The following PEBP4 variants were observed in gnomAD, a reference collection of about 807,000 sequenced individuals.
PEBP4 encodes phosphatidylethanolamine binding protein 4.
PEBP4 carries 22 observed loss-of-function variants against 23.9 expected under a neutral mutation model. The ratio of observed to expected loss-of-function variants is 0.92; its 90% CI spans 0.66 to 1.31. PEBP4 has a LOEUF of 1.31. PEBP4 is among the 40% of genes most tolerant of loss of function. The pLI is 0.00. For missense variants in PEBP4, 324 were observed against 281.7 expected (o/e 1.15, Z -1.07); for synonymous variants, 112 against 99.3 (o/e 1.13, Z -0.76).
At chr8:22,728,683 C>T (rs1163761777) in intron 4 of PEBP4, among the ~76,000 whole-genome samples, 2 of 151,346 alleles carry the variant, frequency 1.3e-5, no homozygotes, top group Non-Finnish European at 2.9e-5. Context: ...CTGCAACCTC[C>T]GCCTCCCAGG....
At chr8:22,780,909 G>A (rs1004088676) in intron 4 of PEBP4, among the ~76,000 whole-genome samples, 1 of 152,224 alleles carries the variant, frequency 6.6e-6, no homozygotes, top group Non-Finnish European at 1.5e-5. Context: ...CACACAGCCT[G>A]TCTTTCTTAG....
intron 3 of PEBP4, among the ~76,000 whole-genome samples, chr8:22,833,767 A>G (rs1235163363): frequency 6.6e-6 from 1 of 152,180 alleles, no homozygotes; most frequent in Non-Finnish European, 1.5e-5. Flanking sequence ...TAATGTGAGA[A>G]TCACCAGGGG....
At chr8:22,784,476 C>T (rs1031538252) in intron 4 of PEBP4, among the ~76,000 whole-genome samples, 1 of 152,206 alleles carries the variant, frequency 6.6e-6, no homozygotes. Context: ...TGAGACAGGC[C>T]TCCTAGCCTT....
rs901177246 is a variant in PEBP4 at position 22,775,819 on chromosome 8, C to A, written c.357+41818G>T. Among the ~76,000 whole-genome samples the A allele has an allele frequency of 1.3e-5, 2 of 152,042 alleles. No individual in the cohort carries two copies. Among genetic ancestry groups the A allele is most frequent in the Admixed American group, 1.3e-4 (2 of 15,270 alleles). On this transcript the variant is annotated intron_variant, in intron 4 of 6. Coordinates refer to ENST00000256404, the MANE Select transcript of PEBP4 (RefSeq NM_144962.3). This position sits in a 1 kb window ranked among gnomAD's most constrained non-coding sequence, Gnocchi z 4.8. ...GGGTTCTCCAGGCTGGAAGGGCTTC[C>A]GGAATCTCTGAGTGGGCAGGAAGGA...
chr8:22,929,429 G>C (rs1194281537), upstream of PEBP4, among the ~76,000 whole-genome samples: 1 of 152,226 alleles, frequency 6.6e-6, no homozygotes, highest in Non-Finnish European at 1.5e-5. Context: ...CTTTAGCACA[G>C]TGATGGCGGC....
intron 2 of PEBP4, among the ~76,000 whole-genome samples, chr8:22,922,821 T>G (rs572625976): frequency 6.6e-6 from 1 of 152,144 alleles, no homozygotes; most frequent in African/African-American, 2.4e-5. Flanking sequence ...ATTCTTCTAA[T>G]TTCCATGTGG....
intron 3 of PEBP4, among the ~76,000 whole-genome samples, chr8:22,905,483 G>T (rs1351815867): frequency 6.6e-6 from 1 of 152,046 alleles, no homozygotes; most frequent in Non-Finnish European, 1.5e-5. Context: ...TTATCCCTTT[G>T]TCCTTTGACC....
chr8:22,826,914 T>C (rs1806982040), intron 3 of PEBP4, among the ~76,000 whole-genome samples: 1 of 152,198 alleles, frequency 6.6e-6, no homozygotes, highest in African/African-American at 2.4e-5. Flanking sequence ...TGTGCAGCAG[T>C]CACATAATAT....
chr8:22,890,022 C>T (rs1208884133), intron 3 of PEBP4, among the ~76,000 whole-genome samples: 4 of 152,192 alleles, frequency 2.6e-5, no homozygotes, highest in African/African-American at 9.7e-5. Context: ...CAGATGTTAC[C>T]TGGAAGACCT....
chr8:22,743,079 G>A (rs1158481175), intron 4 of PEBP4, among the ~76,000 whole-genome samples: 1 of 152,156 alleles, frequency 6.6e-6, no homozygotes, highest in Non-Finnish European at 1.5e-5. Flanking sequence ...GCTCTCTTAT[G>A]CCAGACTCCA....
intron 4 of PEBP4, among the ~76,000 whole-genome samples, chr8:22,809,511 C>T (rs1169090193): frequency 3.3e-5 from 5 of 152,128 alleles, no homozygotes; most frequent in African/African-American, 1.2e-4. Context: ...TCTGGAGTAG[C>T]AATATGGCCT....
intron 4 of PEBP4, among the ~76,000 whole-genome samples, chr8:22,812,337 G>A (rs1034409049): frequency 2.0e-5 from 3 of 152,114 alleles, no homozygotes; most frequent in Admixed American, 2.0e-4. Context: ...CCTGGAAGCG[G>A]CAGAGCCTGG....
At chr8:22,847,619 T>A (rs1017320201) in intron 3 of PEBP4, among the ~76,000 whole-genome samples, 2 of 152,170 alleles carry the variant, frequency 1.3e-5, no homozygotes, top group Admixed American at 6.5e-5. Context: ...CTGGGTTTCA[T>A]GAGGCAAGAG....
chr8:22,817,993 C>T (rs1336495089), intron 3 of PEBP4, among the ~76,000 whole-genome samples: 1 of 152,208 alleles, frequency 6.6e-6, no homozygotes, highest in East Asian at 1.9e-4. Flanking sequence ...ATATACATAC[C>T]AAGCACCTGG....
chr8:22,797,728 ATC>A (rs1806295664), intron 4 of PEBP4, among the ~76,000 whole-genome samples: 2 of 152,170 alleles, frequency 1.3e-5, no homozygotes. Flanking sequence ...GCTGCTATCC[ATC>A]GCAGGGGCAA....
intron 3 of PEBP4, among the ~76,000 whole-genome samples, chr8:22,898,265 G>C (rs1340294793): frequency 6.6e-6 from 1 of 151,630 alleles, no homozygotes; most frequent in Non-Finnish European, 1.5e-5. Context: ...GGTGGTGGGT[G>C]CCTGTGATCC....
intron 3 of PEBP4, among the ~76,000 whole-genome samples, chr8:22,895,066 T>C (rs1327748387): frequency 6.6e-6 from 1 of 152,228 alleles, no homozygotes; most frequent in African/African-American, 2.4e-5. Flanking sequence ...GCCATTTGTT[T>C]TTTAATATTT....
chr8:22,766,425 A>T (rs1340891276), intron 4 of PEBP4, among the ~76,000 whole-genome samples: 3 of 152,236 alleles, frequency 2.0e-5, no homozygotes, highest in African/African-American at 4.8e-5. Context: ...TCTCATTTGC[A>T]AAAGGAGATC....
intron 3 of PEBP4, chr8:22,886,353 C>G (rs1055814406): frequency 6.6e-6 from 1 of 152,158 alleles, no homozygotes; most frequent in East Asian, 1.9e-4. Flanking sequence ...TCTGACCAGG[C>G]GTGTAATACA....
Sources: gnomAD v4.1 joint callset for allele counts (sites outside exome capture counted in the v4.1 genomes callset) on GRCh38, gnomAD v4.1.1 for gene constraint, Gnocchi (gnomAD v3.1) non-coding constraint, MANE v1.5 for transcripts, NCBI Gene and HGNC (gene_info 2026-07-23, HGNC 2026-07-21) for gene names.